The following PPP1R12B variants were observed in gnomAD, a reference collection of about 807,000 sequenced individuals.
The protein encoded by PPP1R12B is protein phosphatase 1 regulatory subunit 12B.
A neutral mutation model predicts 126.1 loss-of-function variants in PPP1R12B; 76 were observed. That is an observed-to-expected ratio of 0.60 (90% CI 0.50 to 0.73). The LOEUF (loss-of-function observed/expected upper bound fraction) is 0.73. Among genes scored for constraint, PPP1R12B ranks in the 30% least tolerant of loss-of-function variants. PPP1R12B has a pLI of 0.00. For missense variants in PPP1R12B, 1,052 were observed against 1,205.1 expected (o/e 0.87, Z 1.88); for synonymous variants, 356 against 434.7 (o/e 0.82, Z 2.25).
intron 1 of PPP1R12B, among the ~76,000 whole-genome samples, chr1:202,351,398 C>T (rs1044172814): frequency 5.3e-5 from 8 of 152,144 alleles, no homozygotes; most frequent in African/African-American, 1.9e-4. Flanking sequence ...ACCACCATGC[C>T]CAGCTAATTT....
intron 1 of PPP1R12B, among the ~76,000 whole-genome samples, chr1:202,377,184 G>A (rs1661306404): frequency 6.6e-6 from 1 of 152,132 alleles, no homozygotes; most frequent in African/African-American, 2.4e-5. Context: ...TGGCTAATTA[G>A]TGTAGATGTT....
chr1:202,570,888 T>G (rs931938537), intron 23 of PPP1R12B, among the ~76,000 whole-genome samples: 7 of 152,220 alleles, frequency 4.6e-5, no homozygotes, highest in Non-Finnish European at 7.3e-5. Context: ...CCTCCATTTT[T>G]GAAACCTCCT....
chr1:202,465,876 C>A (rs1450027389), intron 13 of PPP1R12B, among the ~76,000 whole-genome samples: 1 of 152,072 alleles, frequency 6.6e-6, no homozygotes, highest in Non-Finnish European at 1.5e-5. Context: ...TAATCATTGA[C>A]GTGTAAATAA....
chr1:202,420,479 G>A (rs968058150), intron 2 of PPP1R12B, among the ~76,000 whole-genome samples: 2 of 152,236 alleles, frequency 1.3e-5, no homozygotes, highest in Non-Finnish European at 2.9e-5. Context: ...AGAGCTGGGT[G>A]AGAGTTGATG....
chr1:202,366,824 G>A (rs1176072545), intron 1 of PPP1R12B, among the ~76,000 whole-genome samples: 1 of 152,100 alleles, frequency 6.6e-6, no homozygotes, highest in Non-Finnish European at 1.5e-5. Flanking sequence ...CTCACTGATT[G>A]TTAAACAATG....
At chr1:202,357,623 G>C (rs1012622547) in intron 1 of PPP1R12B, among the ~76,000 whole-genome samples, 4 of 152,176 alleles carry the variant, frequency 2.6e-5, no homozygotes, top group Non-Finnish European at 5.9e-5. Flanking sequence ...ATAGGGGCAA[G>C]AAAGTTATGT....
intron 1 of PPP1R12B, among the ~76,000 whole-genome samples, chr1:202,365,312 G>T (rs1051927684): frequency 2.0e-5 from 3 of 151,986 alleles, no homozygotes; most frequent in Non-Finnish European, 2.9e-5. Context: ...GCCAATTGTG[G>T]TCGCCTGCAG....
At chr1:202,479,895 C>T (rs897564403) in intron 13 of PPP1R12B, among the ~76,000 whole-genome samples, 3 of 152,218 alleles carry the variant, frequency 2.0e-5, no homozygotes, top group Admixed American at 6.5e-5. Flanking sequence ...TTAAGAACCA[C>T]TTCCTTAGCC....
At chr1:202,558,984 T>C in intron 19 of PPP1R12B, 91 bp downstream of exon 19, 1 of 1,291,314 alleles carries the variant, frequency 7.7e-7, no homozygotes, top group Non-Finnish European at 1.1e-6. Flanking sequence ...AATTCAGTAA[T>C]GTTTCTCACA....
In PPP1R12B at chr1:202,562,593, G is replaced by A. The variant is rs551010689; in HGVS notation, c.2508-185G>A. The A allele has an allele frequency of 3.4e-5, 26 of 773,286 alleles. 1 individual carries two copies. Among genetic ancestry groups the A allele is most frequent in the African/African-American group, 2.7e-4 (16 of 59,028 alleles). The allele number at this position is 773,286 out of a possible 1,614,324, so 47.9% of individuals were successfully genotyped here. On this transcript the variant is annotated intron_variant, in intron 19 of 23. Transcript: ENST00000608999. ...ATGGTCAGCCTCCCTCTCCAAGCTCGTGCAGTTTAGCCCTGAGGTCTGGGA... is the reference window on the plus strand; with the variant it reads ...ATGGTCAGCCTCCCTCTCCAAGCTCATGCAGTTTAGCCCTGAGGTCTGGGA...
chr1:202,417,000 T>C, intron 2 of PPP1R12B, 83 bp downstream of exon 2: 1 of 1,397,054 alleles, frequency 7.2e-7, no homozygotes, highest in Middle Eastern at 2.0e-4. Flanking sequence ...AATTTGAATT[T>C]TATAAATAGT....
intron 18 of PPP1R12B, among the ~76,000 whole-genome samples, chr1:202,510,943 A>C (rs1681405662): frequency 6.8e-6 from 1 of 146,568 alleles, no homozygotes; most frequent in African/African-American, 2.5e-5. Flanking sequence ...ATTAATTTAT[A>C]ATATAATTTA....
At chr1:202,444,534 C>CT (rs1276342199) in intron 12 of PPP1R12B, among the ~76,000 whole-genome samples, 95 of 152,220 alleles carry the variant, frequency 6.2e-4, no homozygotes, top group African/African-American at 2.1e-3. Flanking sequence ...CTTCTTTACT[C>CT]TTTCCACTTT....
At chr1:202,522,898 A>G (rs970656385) in intron 18 of PPP1R12B, among the ~76,000 whole-genome samples, 1 of 152,210 alleles carries the variant, frequency 6.6e-6, no homozygotes, top group South Asian at 2.1e-4. Flanking sequence ...TACTCTCAAA[A>G]TATATAAAAC....
intron 18 of PPP1R12B, among the ~76,000 whole-genome samples, chr1:202,544,189 A>G (rs1685418165): frequency 6.6e-6 from 1 of 152,222 alleles, no homozygotes; most frequent in Non-Finnish European, 1.5e-5. Context: ...TTCTTTTGAC[A>G]GTAATTTTCC....
rs1425887953 is a variant in PPP1R12B, at chr1:202,458,899, G to A, written c.1850+9728G>A. Among the ~76,000 whole-genome samples, 14 of 152,354 alleles carry A rather than the reference G, an allele frequency of 9.2e-5. No homozygotes were observed. In the East Asian group the frequency reaches 2.5e-3, roughly 27 times the overall value. On this transcript the variant is annotated intron_variant, in intron 13 of 23. Transcript: ENST00000608999. ...AAATGGGGCTTTAAAACTGGCCACAGCAAGACCAAAGTAGTAGAAGGTTCT... is the reference window on the plus strand; with the variant it reads ...AAATGGGGCTTTAAAACTGGCCACAACAAGACCAAAGTAGTAGAAGGTTCT...
rs908817978 is a variant in PPP1R12B, at chr1:202,567,907, C to G, written c.2811+76C>G. ...ACTCTCTCCCACTTTGTTATTCATG[C>G]CAATGGAAAAAGTCCATCTTAAGAA... is the stretch of plus-strand genomic sequence containing the variant. On this transcript the variant is annotated intron_variant, in intron 22 of 23. Coordinates refer to ENST00000608999, the MANE Select transcript of PPP1R12B (RefSeq NM_002481.4). 11 of 1,529,822 alleles carry G rather than the reference C, an allele frequency of 7.2e-6. No homozygotes were observed. In the Admixed American group the frequency reaches 1.9e-4, roughly 27 times the overall value. 94.8% of individuals were successfully genotyped at this position (1,529,822 alleles called of 1,614,324 possible). A position where few individuals can be genotyped will look rare whatever the true frequency, so the allele number is the denominator to read the frequency against.
rs375954081 is a variant in PPP1R12B at position 202,448,869 on chromosome 1, CA to C, written c.1668-116del. ...AGCTCAAAATTAAGAAACCAACAAA[CA>C]AAATCAGAGCGAGATTTCCTAGATG... is the stretch of plus-strand genomic sequence containing the variant. On this transcript the variant is annotated intron_variant, in intron 12 of 23. Transcript: ENST00000608999. 7.2e-6 allele frequency: 8 copies of C among 1,107,238 alleles called. 1 individual carries two copies. The highest frequency in any genetic ancestry group is 2.1e-4 in the Middle Eastern group (1 of 4,874). 68.6% of individuals were successfully genotyped at this position (1,107,238 alleles called of 1,614,324 possible).
At chr1:202,494,214 ACTATTTATTGAGTAC>A (rs1679241083) in intron 15 of PPP1R12B, among the ~76,000 whole-genome samples, 1 of 152,180 alleles carries the variant, frequency 6.6e-6, no homozygotes, top group South Asian at 2.1e-4. Flanking sequence ...TTTATAAGCT[ACTATTTATTGAGTAC>A]CTATTACCAG....
Sources: gnomAD v4.1 joint callset for allele counts (sites outside exome capture counted in the v4.1 genomes callset) on GRCh38, gnomAD v4.1.1 for gene constraint, MANE v1.5 for transcripts, NCBI Gene and HGNC (gene_info 2026-07-23, HGNC 2026-07-21) for gene names.